MEI4: variants seen among roughly 807,000 people sequenced by gnomAD.
The protein encoded by MEI4 is meiosis-specific protein MEI4.
In MEI4, 27 loss-of-function variants were observed where a neutral mutation model predicts 31.4. The observed-to-expected ratio is 0.86, with a 90% CI of 0.63 to 1.19. MEI4 has a LOEUF of 1.19. MEI4 is among the 50% of genes most tolerant of loss of function. The pLI is 0.00. For synonymous variants in MEI4, 122 were observed against 145.4 expected (o/e 0.84, Z 1.16); for missense variants, 329 against 398.9 (o/e 0.82, Z 1.49).
At chr6:77,736,496 C>T (rs533021704) in intron 2 of MEI4, among the ~76,000 whole-genome samples, 10 of 152,110 alleles carry the variant, frequency 6.6e-5, no homozygotes, top group Middle Eastern at 3.4e-3. Context: ...CTTCGGCTTG[C>T]GAACGGTGCG....
chr6:77,821,272 A>C (rs1769816372), intron 3 of MEI4, among the ~76,000 whole-genome samples: 1 of 152,204 alleles, frequency 6.6e-6, no homozygotes, highest in Admixed American at 6.5e-5. Context: ...ATTATTTAAC[A>C]GATTTCAAGT....
At chr6:77,652,873 T>C (rs1768324907), upstream of MEI4, among the ~76,000 whole-genome samples, 1 of 152,132 alleles carries the variant, frequency 6.6e-6, no homozygotes. Flanking sequence ...CCAACTGCAA[T>C]TGTGATAACT....
intron 2 of MEI4, among the ~76,000 whole-genome samples, chr6:77,703,635 C>T (rs147886906): frequency 1.1e-3 from 169 of 152,200 alleles, no homozygotes; most frequent in South Asian, 2.5e-3. Context: ...GAAATCCAAA[C>T]GTACCATGAG....
At position 77,740,471 on chromosome 6, in the gene MEI4, G is replaced by A. The variant is rs144224694; in HGVS notation, c.233-20659G>A. On this transcript the variant is annotated intron_variant, in intron 2 of 4. Coordinates refer to ENST00000684080, the MANE Select transcript of MEI4 (RefSeq NM_001322247.2). ...TTCTTTGTCACCATTTCTCAAAAAT[G>A]CTTTGCAATGTGATAAAATATATCC... 7.9e-3 allele frequency among the ~76,000 whole-genome samples: 1,200 copies of A among 152,244 alleles called. 11 individuals carry two copies. Among genetic ancestry groups the A allele is most frequent in the Non-Finnish European group, 0.013 (893 of 67,988 alleles).
intron 3 of MEI4, among the ~76,000 whole-genome samples, chr6:77,762,740 A>T (rs537575673): frequency 6.6e-6 from 1 of 152,254 alleles, no homozygotes; most frequent in Non-Finnish European, 1.5e-5. Context: ...GTATGATTTG[A>T]TCAATATTTT....
chr6:77,829,173 C>A, intron 4 of MEI4, 111 bp downstream of exon 4: 1 of 768,400 alleles, frequency 1.3e-6, no homozygotes. Flanking sequence ...TTAGTTATTA[C>A]CTTATGTCTA....
At chr6:77,736,425 G>A (rs1347769295) in intron 2 of MEI4, among the ~76,000 whole-genome samples, 2 of 152,034 alleles carry the variant, frequency 1.3e-5, no homozygotes, top group African/African-American at 2.4e-5. Flanking sequence ...CCCTTTCTTT[G>A]ACTAGGAAAG....
At chr6:77,766,095 CT>C (rs1161710440) in intron 3 of MEI4, among the ~76,000 whole-genome samples, 1 of 152,202 alleles carries the variant, frequency 6.6e-6, no homozygotes, top group African/African-American at 2.4e-5. Flanking sequence ...TGTATATTAT[CT>C]CTTTGTGTCA....
At position 77,818,137 on chromosome 6, in the gene MEI4, C is replaced by T. The variant is rs138105745; in HGVS notation, c.769-10794C>T. On this transcript the variant is annotated intron_variant, in intron 3 of 4. Transcript: ENST00000684080. Reference sequence around the variant, plus strand: ...GTTTTTGTTGTTGTTATCATCTACACTATTAGTCTGAAAAACTTACATTGC... The same window carrying T: ...GTTTTTGTTGTTGTTATCATCTACATTATTAGTCTGAAAAACTTACATTGC... Among the ~76,000 whole-genome samples, 108 of 152,224 alleles carry T rather than the reference C, an allele frequency of 7.1e-4. No individual in the cohort carries two copies. The East Asian group carries it at 8.5e-3, about 12-fold the overall frequency.
chr6:77,845,955 G>C (rs1421056671), intron 4 of MEI4, among the ~76,000 whole-genome samples: 1 of 151,070 alleles, frequency 6.6e-6, no homozygotes, highest in Non-Finnish European at 1.5e-5. Flanking sequence ...CAGTCATTGT[G>C]GGGTTTATAG....
At chr6:77,878,879 C>T (rs1020453110) in intron 4 of MEI4, among the ~76,000 whole-genome samples, 1 of 152,040 alleles carries the variant, frequency 6.6e-6, no homozygotes, top group African/African-American at 2.4e-5. Flanking sequence ...CAGGCTTCTA[C>T]ATGAAAATGC....
chr6:77,824,007 C>A (rs539904257), intron 3 of MEI4, among the ~76,000 whole-genome samples: 1 of 152,022 alleles, frequency 6.6e-6, no homozygotes, highest in Admixed American at 6.6e-5. Flanking sequence ...TTTATGGATC[C>A]CCTATGGACT....
Position 77,713,427 on chromosome 6 carries a change from T to C in MEI4, c.232+22524T>C, listed in dbSNP as rs577981115. Among the ~76,000 whole-genome samples the C allele has an allele frequency of 1.5e-3, 213 of 145,924 alleles. 1 individual carries two copies. The highest frequency in any genetic ancestry group is 4.6e-3 in the African/African-American group (187 of 40,494). ...TTTTATTGTTTAATTCTGTCTTATA[T>C]AAACAACTGAATCTAGCTGTTAAGT... On this transcript the variant is annotated intron_variant, in intron 2 of 4. Coordinates refer to ENST00000684080, the MANE Select transcript of MEI4 (RefSeq NM_001322247.2).
intron 2 of MEI4, among the ~76,000 whole-genome samples, chr6:77,735,092 T>C (rs1767146506): frequency 6.6e-6 from 1 of 152,014 alleles, no homozygotes; most frequent in Admixed American, 6.6e-5. Context: ...TCTACTTCGG[T>C]GAACTGACAA....
At position 77,754,934 on chromosome 6, in the gene MEI4, C is replaced by G. The variant is rs192928553; in HGVS notation, c.233-6196C>G. Among the ~76,000 whole-genome samples the G allele has an allele frequency of 5.9e-5, 9 of 152,226 alleles. No homozygotes were observed. The East Asian group carries it at 1.7e-3, about 29-fold the overall frequency. On this transcript the variant is annotated intron_variant, in intron 2 of 4. Coordinates refer to ENST00000684080, the MANE Select transcript of MEI4 (RefSeq NM_001322247.2). ...CCTCTCCCTTGACATGTGGGTATTA[C>G]AGTTTGAGATGAGATTTAAATGGGG...
At chr6:77,886,153 A>G (rs1255742135) in intron 4 of MEI4, among the ~76,000 whole-genome samples, 1 of 152,012 alleles carries the variant, frequency 6.6e-6, no homozygotes, top group Non-Finnish European at 1.5e-5. Context: ...GTTATTTTCT[A>G]TGAGAGTAAT....
chr6:77,868,610 A>G (rs1403631822), intron 4 of MEI4, among the ~76,000 whole-genome samples: 2 of 148,954 alleles, frequency 1.3e-5, no homozygotes, highest in East Asian at 4.0e-4. Flanking sequence ...CTTTTTCCAG[A>G]TAACTCTTTT....
chr6:77,660,628 G>A (rs2127642077), intron 1 of MEI4, among the ~76,000 whole-genome samples: 1 of 152,206 alleles, frequency 6.6e-6, no homozygotes, highest in African/African-American at 2.4e-5. Context: ...AGGACAAAAA[G>A]ACCTAATAGA....
rs1766403883 is a variant in MEI4 at position 77,910,336 on chromosome 6, A to AGACTTT, written c.901-12752_901-12751insACTTTG. On this transcript the variant is annotated intron_variant, in intron 4 of 4. Coordinates refer to ENST00000684080, the MANE Select transcript of MEI4 (RefSeq NM_001322247.2). ...ATTGTCTCAGCCCAAAATCTTCTTAAGCTGATAGGCAACTTCAGCAAAGTC... is the reference window on the plus strand; with the variant it reads ...ATTGTCTCAGCCCAAAATCTTCTTAAGACTTTGCTGATAGGCAACTTCAGCAAAGTC... Among the ~76,000 whole-genome samples, 3 of 152,318 alleles carry AGACTTT rather than the reference A, an allele frequency of 2.0e-5. No homozygotes were observed. In the South Asian group the frequency reaches 6.2e-4, roughly 32 times the overall value.
Sources: allele counts gnomAD v4.1 joint callset (sites outside exome capture counted in the v4.1 genomes callset), GRCh38; gene constraint gnomAD v4.1.1; transcripts MANE v1.5; gene names NCBI Gene and HGNC (gene_info 2026-07-23, HGNC 2026-07-21).